Variants in PDE4D observed in about 807,000 individuals in gnomAD.
The protein encoded by PDE4D is phosphodiesterase 4D, also known as 3',5'-cyclic-AMP phosphodiesterase 4D.
In PDE4D, 24 loss-of-function variants were observed where a neutral mutation model predicts 87.4. The observed-to-expected ratio is 0.27, with a 90% CI of 0.20 to 0.39. The LOEUF is 0.39. Ranked by LOEUF, PDE4D falls within the 10% of genes least tolerant of loss-of-function variation. The probability of loss-of-function intolerance (pLI) is 1.00; values close to 1 mark genes in which losing one functional copy is unlikely to be tolerated. For synonymous variants in PDE4D, 384 were observed against 383.2 expected (o/e 1.00, Z -0.02); for missense variants, 714 against 1,041.0 (o/e 0.69, Z 4.32).
intron 6 of PDE4D, among the ~76,000 whole-genome samples, chr5:59,034,373 A>G (rs376675208): frequency 6.6e-6 from 1 of 152,230 alleles, no homozygotes; most frequent in Non-Finnish European, 1.5e-5. Context: ...TATAAAACTA[A>G]CATGCCTTTT....
At position 59,101,076 on chromosome 5, in the gene PDE4D, G is replaced by A. The variant is rs547731310; in HGVS notation, c.809-62105C>T. ...GCCCAGCCTTGGACTCCAAGAGTTTGGCTCTTTGATTTAACTCATTTAGTA... is the reference window on the plus strand; with the variant it reads ...GCCCAGCCTTGGACTCCAAGAGTTTAGCTCTTTGATTTAACTCATTTAGTA... On this transcript the variant is annotated intron_variant, in intron 5 of 14. Coordinates refer to ENST00000340635, the MANE Select transcript of PDE4D (RefSeq NM_001104631.2). Among the ~76,000 whole-genome samples the A allele has an allele frequency of 8.9e-4, 135 of 152,186 alleles. 1 individual carries two copies. Among genetic ancestry groups the A allele is most frequent in the African/African-American group, 3.2e-3 (134 of 41,542 alleles).
intron 1 of PDE4D, among the ~76,000 whole-genome samples, chr5:59,605,619 T>C (rs1013600053): frequency 6.6e-6 from 1 of 152,094 alleles, no homozygotes; most frequent in Non-Finnish European, 1.5e-5. Context: ...CAAACTCCTG[T>C]TACTATAATT....
At chr5:59,656,173 C>T (rs543806239) in intron 1 of PDE4D, among the ~76,000 whole-genome samples, 10 of 151,848 alleles carry the variant, frequency 6.6e-5, no homozygotes, top group Non-Finnish European at 1.3e-4. Flanking sequence ...ACACCTCACA[C>T]ACACTTCAGT....
chr5:60,334,490 T>C (rs1285584236), intron 1 of PDE4D, among the ~76,000 whole-genome samples: 10 of 152,168 alleles, frequency 6.6e-5, no homozygotes, highest in Non-Finnish European at 1.2e-4. Context: ...CAGGGTAATG[T>C]CTCTAAGCAT....
chr5:59,331,741 T>G (rs1776764620), intron 1 of PDE4D, among the ~76,000 whole-genome samples: 1 of 152,212 alleles, frequency 6.6e-6, no homozygotes, highest in African/African-American at 2.4e-5. Flanking sequence ...AAATTTATGT[T>G]TTCAAGTTCC....
intron 1 of PDE4D, among the ~76,000 whole-genome samples, chr5:60,275,053 A>AGGGATGGGGCTTGTGAATTTGCATTTC (rs1751233501): frequency 6.6e-6 from 1 of 152,212 alleles, no homozygotes; most frequent in African/African-American, 2.4e-5. Flanking sequence ...TTGCTAGATC[A>AGGGATGGGGCTTGTGAATTTGCATTTC]GGGATGGGGC....
At chr5:59,058,039 G>GA (rs1762603953) in intron 5 of PDE4D, among the ~76,000 whole-genome samples, 1 of 152,152 alleles carries the variant, frequency 6.6e-6, no homozygotes, top group Non-Finnish European at 1.5e-5. Context: ...TTACTAGACT[G>GA]AATTTCTCTG....
rs185792833 is a variant in PDE4D, at chr5:59,970,148, G to C, written c.272+18340C>G. Among the ~76,000 whole-genome samples the C allele has an allele frequency of 4.0e-3, 614 of 151,844 alleles. 1 individual carries two copies. The highest frequency in any genetic ancestry group is 5.8e-3 in the Non-Finnish European group (396 of 68,032). On this transcript the variant is annotated intron_variant, in intron 3 of 16. Coordinates refer to the PDE4D transcript ENST00000502484. ...GAGAGTTAGACAAAGATATGTTCCA[G>C]TATTAAAAGAGAAGCTTTCTCAGTG...
intron 1 of PDE4D, among the ~76,000 whole-genome samples, chr5:59,828,904 G>A (rs781103465): frequency 5.9e-5 from 9 of 151,986 alleles, no homozygotes; most frequent in African/African-American, 9.7e-5. Context: ...CATTCATGGC[G>A]GCTGTCTGGA....
chr5:60,426,212 A>G (rs954224935), intron 1 of PDE4D, among the ~76,000 whole-genome samples: 6 of 152,186 alleles, frequency 3.9e-5, no homozygotes, highest in African/African-American at 1.4e-4. Flanking sequence ...AAATCATTCT[A>G]CTATAAAGAC....
intron 1 of PDE4D, among the ~76,000 whole-genome samples, chr5:60,316,084 G>T (rs1755561259): frequency 6.6e-6 from 1 of 152,114 alleles, no homozygotes; most frequent in Admixed American, 6.5e-5. Context: ...GGGCAGTATG[G>T]CCATTTTCAT....
At chr5:60,428,766 T>C (rs1743940195) in intron 1 of PDE4D, among the ~76,000 whole-genome samples, 1 of 152,168 alleles carries the variant, frequency 6.6e-6, no homozygotes, top group South Asian at 2.1e-4. Context: ...ATAAATATTA[T>C]TTACCATTGT....
chr5:59,791,649 T>G (rs1765803037), intron 1 of PDE4D, among the ~76,000 whole-genome samples: 1 of 152,216 alleles, frequency 6.6e-6, no homozygotes, highest in Admixed American at 6.5e-5. Context: ...TCAATTACAG[T>G]CAGTCACAAG....
At chr5:59,054,819 G>T (rs1018338930) in intron 5 of PDE4D, among the ~76,000 whole-genome samples, 3 of 151,918 alleles carry the variant, frequency 2.0e-5, no homozygotes, top group Non-Finnish European at 2.9e-5. Flanking sequence ...TCTACCAATT[G>T]GTTTGAAAAC....
At chr5:60,521,675 T>C (rs931893351) in intron 1 of PDE4D, 2 of 150,566 alleles carry the variant, frequency 1.3e-5, no homozygotes, top group Non-Finnish European at 3.0e-5. Flanking sequence ...AAACAGAGAA[T>C]AAGGGAGAGG....
intron 1 of PDE4D, among the ~76,000 whole-genome samples, chr5:60,349,007 T>C (rs1406699046): frequency 1.3e-5 from 2 of 152,304 alleles, no homozygotes; most frequent in South Asian, 2.1e-4. Context: ...AAGCTGTATG[T>C]AAATTACTAA....
At chr5:59,504,307 A>T (rs529305181) in intron 1 of PDE4D, among the ~76,000 whole-genome samples, 1 of 152,232 alleles carries the variant, frequency 6.6e-6, no homozygotes, top group Non-Finnish European at 1.5e-5. Context: ...ACATTAAGCC[A>T]CAATTCATTT....
intron 1 of PDE4D, among the ~76,000 whole-genome samples, chr5:59,395,161 C>A (rs967696586): frequency 6.6e-6 from 1 of 151,494 alleles, no homozygotes; most frequent in African/African-American, 2.4e-5. Flanking sequence ...GGGAGGGGCG[C>A]CCACCATTGT....
chr5:60,106,110 C>A (rs565953717), intron 2 of PDE4D, among the ~76,000 whole-genome samples: 9 of 152,006 alleles, frequency 5.9e-5, no homozygotes, highest in East Asian at 1.9e-4. Flanking sequence ...ATTCAGGAAA[C>A]CCATCTCACG....
Sources: allele counts gnomAD v4.1 joint callset (sites outside exome capture counted in the v4.1 genomes callset), GRCh38; gene constraint gnomAD v4.1.1; transcripts MANE v1.5; gene names NCBI Gene and HGNC (gene_info 2026-07-23, HGNC 2026-07-21).